Variants in KCNH1 observed in about 807,000 individuals in gnomAD.
KCNH1 encodes potassium voltage-gated channel subfamily H member 1.
A neutral mutation model predicts 69.2 loss-of-function variants in KCNH1; 27 were observed. That is an observed-to-expected ratio of 0.39 (90% CI 0.29 to 0.54). The LOEUF (loss-of-function observed/expected upper bound fraction) is 0.54. Among genes scored for constraint, KCNH1 ranks in the 20% least tolerant of loss-of-function variants. The probability of loss-of-function intolerance (pLI) is 0.68; values close to 1 mark genes in which losing one functional copy is unlikely to be tolerated. For synonymous variants in KCNH1, 456 were observed against 487.7 expected, an observed-to-expected ratio of 0.93 and a Z score of 0.86; for missense variants, 798 against 1,261.6, an observed-to-expected ratio of 0.63 and a Z score of 5.57.
intron 5 of KCNH1, among the ~76,000 whole-genome samples, chr1:211,074,871 C>T (rs1292292596): frequency 2.0e-5 from 3 of 152,138 alleles, no homozygotes; most frequent in Admixed American, 6.5e-5. Flanking sequence ...GTCAACCTGC[C>T]CTGTGAATTT....
intron 6 of KCNH1, among the ~76,000 whole-genome samples, chr1:210,997,190 G>A (rs113473441): frequency 1.3e-5 from 2 of 152,298 alleles, no homozygotes; most frequent in African/African-American, 4.8e-5. Flanking sequence ...GACAGAAGAA[G>A]GCTTCAGACG....
intron 6 of KCNH1, among the ~76,000 whole-genome samples, chr1:210,931,467 G>A (rs966285354): frequency 2.6e-5 from 4 of 152,106 alleles, no homozygotes; most frequent in Admixed American, 2.0e-4. Flanking sequence ...GCTAAACTAT[G>A]AGGACGCAAA....
intron 6 of KCNH1, among the ~76,000 whole-genome samples, chr1:210,977,281 C>T (rs892055222): frequency 6.6e-6 from 1 of 152,100 alleles, no homozygotes; most frequent in African/African-American, 2.4e-5. Context: ...ACATCACACA[C>T]TGGGGCCTGT....
intron 7 of KCNH1, among the ~76,000 whole-genome samples, chr1:210,890,800 T>C (rs1686732522): frequency 6.6e-6 from 1 of 152,186 alleles, no homozygotes; most frequent in Admixed American, 6.5e-5. Flanking sequence ...AAGTTCATCA[T>C]CAGTGGTCAC....
chr1:210,938,744 T>C (rs1049885002), intron 6 of KCNH1, among the ~76,000 whole-genome samples: 22 of 152,204 alleles, frequency 1.4e-4, no homozygotes, highest in African/African-American at 5.3e-4. Context: ...TTTCTCAATA[T>C]CCCAGTGGGA....
At chr1:211,079,896 G>C (rs1345667819) in intron 5 of KCNH1, among the ~76,000 whole-genome samples, 1 of 152,146 alleles carries the variant, frequency 6.6e-6, no homozygotes, top group Non-Finnish European at 1.5e-5. Flanking sequence ...TATTCCCTTT[G>C]AAAACTGGCA....
intron 6 of KCNH1, among the ~76,000 whole-genome samples, chr1:210,982,402 A>C (rs1432374610): frequency 6.6e-6 from 1 of 151,772 alleles, no homozygotes; most frequent in African/African-American, 2.4e-5. Flanking sequence ...GTATATCTCC[A>C]ATGCTATCCC....
At position 210,806,658 on chromosome 1, in the gene KCNH1, T is replaced by G. The variant is rs143826032; in HGVS notation, c.1463-2492A>C. On this transcript the variant is annotated intron_variant, in intron 7 of 10. Transcript: ENST00000271751. ...TACTGCATGTATTGTTTAATAATAGTTCATGTCTCTTTTTAAATAAGAAAA... is the reference window on the plus strand; with the variant it reads ...TACTGCATGTATTGTTTAATAATAGGTCATGTCTCTTTTTAAATAAGAAAA... 4.1e-3 allele frequency among the ~76,000 whole-genome samples: 623 copies of G among 151,170 alleles called. 4 individuals are homozygous for G. Among genetic ancestry groups the G allele is most frequent in the African/African-American group, 0.014 (572 of 41,124 alleles).
intron 10 of KCNH1, among the ~76,000 whole-genome samples, chr1:210,736,550 A>C (rs2358112): frequency 0.46 from 68,656 of 150,500 alleles, 15,881 homozygotes; most frequent in East Asian, 0.69. Flanking sequence ...TCCCCCCTCC[A>C]AAAAAAAATT....
At chr1:211,081,215 A>C (rs1377393554) in intron 5 of KCNH1, among the ~76,000 whole-genome samples, 1 of 152,258 alleles carries the variant, frequency 6.6e-6, no homozygotes, top group Non-Finnish European at 1.5e-5. Context: ...ACACATGAAA[A>C]AATGCTCATC....
chr1:211,048,122 C>T (rs867050877), intron 5 of KCNH1, among the ~76,000 whole-genome samples: 51 of 152,214 alleles, frequency 3.4e-4, no homozygotes, highest in Admixed American at 4.6e-4. Flanking sequence ...CAAATCAAAA[C>T]CACAATGCGA....
chr1:210,714,180 A>G (rs1436696008), intron 10 of KCNH1, among the ~76,000 whole-genome samples: 3 of 152,280 alleles, frequency 2.0e-5, no homozygotes, highest in East Asian at 1.9e-4. Context: ...ACTCCAATCA[A>G]CTTCTCTGTT....
chr1:211,048,897 G>T (rs191427467), intron 5 of KCNH1, among the ~76,000 whole-genome samples: 8 of 152,140 alleles, frequency 5.3e-5, no homozygotes, highest in South Asian at 4.1e-4. Context: ...AGGAGATTCC[G>T]GATGAGAATC....
At chr1:211,074,339 C>A (rs1002769861) in intron 5 of KCNH1, among the ~76,000 whole-genome samples, 1 of 151,440 alleles carries the variant, frequency 6.6e-6, no homozygotes, top group Non-Finnish European at 1.5e-5. Flanking sequence ...CCTTTCTTAT[C>A]CTCTTACATA....
intron 7 of KCNH1, among the ~76,000 whole-genome samples, chr1:210,913,145 A>C (rs1208830815): frequency 6.6e-6 from 1 of 152,208 alleles, no homozygotes; most frequent in Non-Finnish European, 1.5e-5. Context: ...ACTGAAACGC[A>C]TAGTAGTAGG....
At chr1:211,076,887 A>G (rs184066468) in intron 5 of KCNH1, among the ~76,000 whole-genome samples, 8 of 152,364 alleles carry the variant, frequency 5.3e-5, no homozygotes, top group Admixed American at 1.3e-4. Context: ...ATGGCTACCT[A>G]GAATAAACAG....
chr1:210,973,094 T>C (rs2102368945), intron 6 of KCNH1, among the ~76,000 whole-genome samples: 1 of 152,218 alleles, frequency 6.6e-6, no homozygotes, highest in South Asian at 2.1e-4. Flanking sequence ...CACATGCATA[T>C]GATTCCCATA....
chr1:210,771,657 C>T (rs535354536), intron 10 of KCNH1, among the ~76,000 whole-genome samples: 6 of 152,318 alleles, frequency 3.9e-5, no homozygotes, highest in African/African-American at 7.2e-5. Context: ...ATTGAGCACT[C>T]GCTATGTAGT....
At chr1:210,836,381 G>A (rs1176430824) in intron 7 of KCNH1, among the ~76,000 whole-genome samples, 1 of 152,150 alleles carries the variant, frequency 6.6e-6, no homozygotes, top group Non-Finnish European at 1.5e-5. Flanking sequence ...ATTATTGAAA[G>A]TAATCATTAA....
Sources: gnomAD v4.1 joint callset for allele counts (sites outside exome capture counted in the v4.1 genomes callset) on GRCh38, gnomAD v4.1.1 for gene constraint, MANE v1.5 for transcripts, NCBI Gene and HGNC (gene_info 2026-07-23, HGNC 2026-07-21) for gene names.